EPN1: variants seen among roughly 807,000 people sequenced by gnomAD.
The protein encoded by EPN1 is epsin 1.
Under a neutral mutation model 56.9 loss-of-function variants are expected in EPN1, and 25 were observed. The ratio of observed to expected loss-of-function variants is 0.44; its 90% CI spans 0.32 to 0.61. The LOEUF (loss-of-function observed/expected upper bound fraction) is 0.61. EPN1 is among the 20% of genes least tolerant of loss of function. EPN1 has a pLI of 0.05. For synonymous variants in EPN1, 411 were observed against 361.8 expected, an observed-to-expected ratio of 1.14 and a Z score of -1.54; for missense variants, 785 against 823.7, an observed-to-expected ratio of 0.95 and a Z score of 0.58.
chr19:55,694,857 C>A lies in EPN1; in HGVS notation c.1396C>A (p.Pro466Thr). The change falls in exon 10 of 11, where the codon CCC (proline) becomes ACC (threonine). Residue 466 changes from proline (P) to threonine (T), a missense_variant. Physicochemically the swap from Pro to Thr is conservative, Grantham distance 38. Coordinates refer to ENST00000270460, the MANE Select transcript of EPN1 (RefSeq NM_001130072.2). The surrounding 1 kb of genome is among the most constrained non-coding windows in gnomAD (Gnocchi z 4.2). ...TGCAGCCACACCAACTCCCACGCCC[C>A]CCACCCGGAAGACGCCGGAGTCATT... ...PPAATPTPTP[P>T]TRKTPESFLG... 1 of 1,608,346 alleles carries A rather than the reference C, an allele frequency of 6.2e-7. No homozygotes were observed. Among genetic ancestry groups the A allele is most frequent in the East Asian group, 2.2e-5 (1 of 44,668 alleles).
At chr19:55,684,494 G>A (rs1986031894) in intron 2 of EPN1, among the ~76,000 whole-genome samples, 1 of 152,140 alleles carries the variant, frequency 6.6e-6, no homozygotes, top group African/African-American at 2.4e-5. Flanking sequence ...TTGTTGAAAG[G>A]GAGTTTGTTT....
At chr19:55,676,640 G>C (rs534866469) in intron 1 of EPN1, 25 of 153,654 alleles carry the variant, frequency 1.6e-4, no homozygotes, top group African/African-American at 6.0e-4. Flanking sequence ...TTTCATTTCA[G>C]AGTTGAGCAA....
At chr19:55,688,645 C>T (rs968418235) in intron 3 of EPN1, among the ~76,000 whole-genome samples, 3 of 152,112 alleles carry the variant, frequency 2.0e-5, no homozygotes, top group African/African-American at 4.8e-5. Context: ...TCCCTGATGC[C>T]TGGCCCCTCC....
At position 55,689,960 on chromosome 19, in the gene EPN1, G is replaced by A. The variant is rs758406549; in HGVS notation, c.762+10G>A. 1.9e-4 allele frequency: 294 copies of A among 1,588,084 alleles called. No individual in the cohort carries two copies. The East Asian group carries it at 3.2e-3, about 17-fold the overall frequency. On this transcript the variant is annotated intron_variant, in intron 6 of 10. Transcript: ENST00000270460. The surrounding 1 kb of genome is among the most constrained non-coding windows in gnomAD (Gnocchi z 5.7). ...TGGGGGCAAGGAGGAGGTGAGCGGGGCTTGTTCTGCCCTCCCTGGCCCCTG... is the reference window on the plus strand; with the variant it reads ...TGGGGGCAAGGAGGAGGTGAGCGGGACTTGTTCTGCCCTCCCTGGCCCCTG...
intron 3 of EPN1, among the ~76,000 whole-genome samples, chr19:55,686,921 G>A (rs1371601958): frequency 2.0e-5 from 3 of 151,914 alleles, no homozygotes; most frequent in East Asian, 1.9e-4. Flanking sequence ...ATCCTGGCTC[G>A]GGGGTCGTCA....
chr19:55,697,445 C>T lies in EPN1; in HGVS notation c.*2089C>T, dbSNP rs1986953903. 6.6e-6 allele frequency: 1 copy of T among 152,186 alleles called. No homozygotes were observed. The highest frequency in any genetic ancestry group is 1.9e-4 in the East Asian group (1 of 5,194). The allele number at this position is 152,186 out of a possible 1,614,324, so 9.4% of individuals were successfully genotyped here. Reference sequence around the variant, plus strand: ...GCGGAGCCTGCACTCCCTTTCTCTTCAAAAAAGCTGAGGACGAAGATAAAA... The same window carrying T: ...GCGGAGCCTGCACTCCCTTTCTCTTTAAAAAAGCTGAGGACGAAGATAAAA... On this transcript the variant is annotated 3_prime_UTR_variant, in exon 11 of 11. Coordinates refer to ENST00000270460, the MANE Select transcript of EPN1 (RefSeq NM_001130072.2).
chr19:55,709,074 T>TTTG lies in EPN1; in HGVS notation c.*13719_*13720insTGT. 2 of 1,542,300 alleles carry TTTG rather than the reference T, an allele frequency of 1.3e-6. No individual in the cohort carries two copies. The highest frequency in any genetic ancestry group is 2.4e-5 in the East Asian group (1 of 42,196). On this transcript the variant is annotated 3_prime_UTR_variant, in exon 11 of 11. Coordinates refer to ENST00000270460, the MANE Select transcript of EPN1 (RefSeq NM_001130072.2). ...GAAAATAGAAATAAAGTTTTTTTTT[T>TTTG]TGTTTTTCATTTTTACACAGTATTG...
intron 2 of EPN1, among the ~76,000 whole-genome samples, chr19:55,680,321 G>T (rs1985726498): frequency 6.6e-6 from 1 of 152,070 alleles, no homozygotes; most frequent in Non-Finnish European, 1.5e-5. Flanking sequence ...TATGGTTTTT[G>T]CAGCCCCTCT....
intron 1 of EPN1, chr19:55,676,963 C>A (rs1460208739): frequency 6.7e-6 from 4 of 595,036 alleles, no homozygotes; most frequent in Non-Finnish European, 8.6e-6. Context: ...TTTGTTACAT[C>A]ATCTCTTCAT....
chr19:55,692,900 G>T (rs1986663169), intron 8 of EPN1, 51 bp from the exon 9 acceptor site: 1 of 1,602,912 alleles, frequency 6.2e-7, no homozygotes. Flanking sequence ...GGAGGTGGGG[G>T]CTGAGGCGGG....
intron 2 of EPN1, 82 bp downstream of exon 2, chr19:55,678,937 G>T: frequency 1.1e-6 from 1 of 952,306 alleles, no homozygotes; most frequent in African/African-American, 1.6e-5. Flanking sequence ...CCCTGCCTGG[G>T]ATGGCATCCC....
In EPN1 at chr19:55,703,908, G is replaced by T. The variant is rs1987266216; in HGVS notation, c.*8552G>T. 1 of 152,242 alleles carries T rather than the reference G, an allele frequency of 6.6e-6. No individual in the cohort carries two copies. The highest frequency in any genetic ancestry group is 6.5e-5 in the Admixed American group (1 of 15,290). The allele number at this position is 152,242 out of a possible 1,614,324, so 9.4% of individuals were successfully genotyped here. ...TGCTGGCCCAGCAGAGGGCGCCGGA[G>T]AGCGGACGGAGCCGCAGGCGGGGTT... On this transcript the variant is annotated 3_prime_UTR_variant, in exon 11 of 11. Coordinates refer to ENST00000270460, the MANE Select transcript of EPN1 (RefSeq NM_001130072.2).
At chr19:55,690,864 C>T (rs919079467) in intron 6 of EPN1, among the ~76,000 whole-genome samples, 1 of 152,138 alleles carries the variant, frequency 6.6e-6, no homozygotes, top group African/African-American at 2.4e-5. Flanking sequence ...AGGTTGGCCT[C>T]GGCCAGGGGG....
intron 1 of EPN1, chr19:55,677,533 A>T: frequency 7.0e-7 from 1 of 1,436,466 alleles, no homozygotes; most frequent in Non-Finnish European, 9.5e-7. Flanking sequence ...ACCTTGGTTG[A>T]ATTATTTAAC....
intron 2 of EPN1, among the ~76,000 whole-genome samples, chr19:55,682,945 T>C (rs903852311): frequency 2.1e-4 from 32 of 151,774 alleles, no homozygotes; most frequent in South Asian, 8.3e-4. Flanking sequence ...TTAGTAGAGA[T>C]GGGGTTTCAC....
chr19:55,706,299 T>TTTTTTTTTTTTTA lies in EPN1; in HGVS notation c.*10943_*10944insTTTTTTTTTTTTA, dbSNP rs1324277673. Reference sequence around the variant, plus strand: ...TTTCTTCTTCTTTTTTTTTTTTTTTTAAAAGACCGTGTTTCGCTCTGTCAC... The same window carrying TTTTTTTTTTTTTA: ...TTTCTTCTTCTTTTTTTTTTTTTTTTTTTTTTTTTTTTAAAAAGACCGTGTTTCGCTCTGTCAC... On this transcript the variant is annotated 3_prime_UTR_variant, in exon 11 of 11. Transcript: ENST00000270460. 2 of 154,886 alleles carry TTTTTTTTTTTTTA rather than the reference T, an allele frequency of 1.3e-5. No individual in the cohort carries two copies. The highest frequency in any genetic ancestry group is 5.1e-5 in the African/African-American group (2 of 39,350). 9.6% of individuals were successfully genotyped at this position (154,886 alleles called of 1,614,324 possible). A position where few individuals can be genotyped will look rare whatever the true frequency, so the allele number is the denominator to read the frequency against.
chr19:55,682,163 G>T (rs1985860304), intron 2 of EPN1, among the ~76,000 whole-genome samples: 1 of 152,146 alleles, frequency 6.6e-6, no homozygotes, highest in Non-Finnish European at 1.5e-5. Flanking sequence ...TGTATACTAA[G>T]CACATCATGA....
chr19:55,703,555 C>G lies in EPN1; in HGVS notation c.*8199C>G, dbSNP rs1417043763. The stretch of plus-strand genomic sequence containing the variant: ...GCCAGGCTGGTCTGGAACTCCTGAC[C>G]TCAGGTGATCCACCTGCCTCGGCCC... On this transcript the variant is annotated 3_prime_UTR_variant, in exon 11 of 11. Coordinates refer to ENST00000270460, the MANE Select transcript of EPN1 (RefSeq NM_001130072.2). 3 of 152,208 alleles carry G rather than the reference C, an allele frequency of 2.0e-5. No individual in the cohort carries two copies. Among genetic ancestry groups the G allele is most frequent in the Admixed American group, 2.0e-4 (3 of 15,274 alleles). The allele number at this position is 152,208 out of a possible 1,614,324, so 9.4% of individuals were successfully genotyped here. A position where few individuals can be genotyped will look rare whatever the true frequency, so the allele number is the denominator to read the frequency against.
intron 2 of EPN1, among the ~76,000 whole-genome samples, chr19:55,682,612 T>A (rs1421074263): frequency 2.6e-5 from 4 of 152,102 alleles, no homozygotes; most frequent in African/African-American, 4.8e-5. Context: ...TTATTTATTT[T>A]TTTAGAGCTG....
Sources: gnomAD v4.1 joint callset for allele counts (sites outside exome capture counted in the v4.1 genomes callset) on GRCh38, gnomAD v4.1.1 for gene constraint, Gnocchi (gnomAD v3.1) non-coding constraint, MANE v1.5 for transcripts, NCBI Gene and HGNC (gene_info 2026-07-23, HGNC 2026-07-21) for gene names.